SKAP2: variants seen among roughly 807,000 people sequenced by gnomAD.
SKAP2 encodes the protein src kinase-associated phosphoprotein 2.
SKAP2 carries 28 observed loss-of-function variants against 54.9 expected under a neutral mutation model. The ratio of observed to expected loss-of-function variants is 0.51; its 90% CI spans 0.38 to 0.70. The LOEUF (loss-of-function observed/expected upper bound fraction) is 0.70. SKAP2 is among the 30% of genes least tolerant of loss of function. The pLI is 0.00. For synonymous variants in SKAP2, 137 were observed against 134.3 expected (o/e 1.02, Z -0.14); for missense variants, 356 against 424.1 (o/e 0.84, Z 1.41).
chr7:26,831,228 G>T (rs1039422153), intron 4 of SKAP2, among the ~76,000 whole-genome samples: 3 of 152,060 alleles, frequency 2.0e-5, no homozygotes, highest in Non-Finnish European at 4.4e-5. Flanking sequence ...ATTTTTCCAG[G>T]TATAAAATTT....
intron 3 of SKAP2, among the ~76,000 whole-genome samples, chr7:26,850,262 G>C (rs1043050714): frequency 1.3e-5 from 2 of 152,118 alleles, no homozygotes; most frequent in African/African-American, 2.4e-5. Flanking sequence ...AATATTGCAA[G>C]TAAAAATCTA....
chr7:26,749,546 C>T (rs944750417), intron 4 of SKAP2, among the ~76,000 whole-genome samples: 5 of 151,716 alleles, frequency 3.3e-5, no homozygotes, highest in South Asian at 4.2e-4. Flanking sequence ...GCCAGGTGTT[C>T]GAGACAGCCT....
chr7:26,764,407 A>G (rs1229065705), intron 4 of SKAP2, among the ~76,000 whole-genome samples: 1 of 152,144 alleles, frequency 6.6e-6, no homozygotes, highest in Non-Finnish European at 1.5e-5. Context: ...TAGACGATTC[A>G]ATCTTTCTAG....
At chr7:26,684,642 T>A in intron 11 of SKAP2, 94 bp downstream of exon 11, 1 of 690,926 alleles carries the variant, frequency 1.4e-6, no homozygotes. Context: ...AGAATTCCAA[T>A]TGGCATTCTT....
intron 4 of SKAP2, among the ~76,000 whole-genome samples, chr7:26,781,639 C>T (rs557708942): frequency 6.6e-5 from 10 of 152,252 alleles, no homozygotes; most frequent in Non-Finnish European, 1.3e-4. Context: ...AGTGAATCAG[C>T]GCTAACTCCT....
Position 26,668,595 on chromosome 7 carries a change from T to C in SKAP2, c.*1071A>G, listed in dbSNP as rs575757675. Reference sequence around the variant, plus strand: ...GTTCTGCAGTGGGATGTAAATAGTATAGCAATAAGGCAAGATAAGAGAGTG... The same window carrying C: ...GTTCTGCAGTGGGATGTAAATAGTACAGCAATAAGGCAAGATAAGAGAGTG... On this transcript the variant is annotated 3_prime_UTR_variant, in exon 13 of 13. Coordinates refer to ENST00000345317, the MANE Select transcript of SKAP2 (RefSeq NM_003930.5). 2 of 151,948 alleles carry C rather than the reference T, an allele frequency of 1.3e-5. No individual in the cohort carries two copies. The highest frequency in any genetic ancestry group is 6.6e-5 in the Admixed American group (1 of 15,240). 9.4% of individuals were successfully genotyped at this position (151,948 alleles called of 1,614,324 possible).
chr7:26,781,136 C>T (rs542136886), intron 4 of SKAP2, among the ~76,000 whole-genome samples: 1 of 152,244 alleles, frequency 6.6e-6, no homozygotes, highest in African/African-American at 2.4e-5. Context: ...AACAGACATA[C>T]TTGTTATAAA....
intron 6 of SKAP2, among the ~76,000 whole-genome samples, chr7:26,730,718 TA>T (rs1409119263): frequency 6.6e-6 from 1 of 152,238 alleles, no homozygotes; most frequent in African/African-American, 2.4e-5. Context: ...ATTATATCAG[TA>T]ACTTAATTTT....
chr7:26,782,769 T>C (rs1783455020), intron 4 of SKAP2, among the ~76,000 whole-genome samples: 1 of 152,140 alleles, frequency 6.6e-6, no homozygotes. Context: ...ATTAAAGCCC[T>C]CATAAAAGAG....
chr7:26,795,169 T>C (rs1437053298), intron 4 of SKAP2, among the ~76,000 whole-genome samples: 1 of 152,234 alleles, frequency 6.6e-6, no homozygotes, highest in Non-Finnish European at 1.5e-5. Context: ...TTTGCTTCAG[T>C]TTATGCCATC....
chr7:26,780,534 T>C (rs1783404831), intron 4 of SKAP2, among the ~76,000 whole-genome samples: 1 of 152,112 alleles, frequency 6.6e-6, no homozygotes. Context: ...CATGATTGTG[T>C]CCCAATAAAA....
chr7:26,700,033 CAT>C (rs1157922854), intron 9 of SKAP2, among the ~76,000 whole-genome samples: 2 of 152,084 alleles, frequency 1.3e-5, no homozygotes, highest in African/African-American at 4.8e-5. Context: ...AATATTCTAT[CAT>C]ATTTCATCTT....
chr7:26,771,701 C>G (rs1783193857), intron 4 of SKAP2, among the ~76,000 whole-genome samples: 2 of 152,100 alleles, frequency 1.3e-5, no homozygotes, highest in Non-Finnish European at 2.9e-5. Flanking sequence ...ATGAACCTGA[C>G]AAAAGTACCA....
At chr7:26,819,910 G>A (rs1784356167) in intron 4 of SKAP2, among the ~76,000 whole-genome samples, 3 of 152,130 alleles carry the variant, frequency 2.0e-5, no homozygotes. Flanking sequence ...TCTACGAGGT[G>A]ATAACTGTTC....
At chr7:26,721,837 T>G (rs1187015690) in intron 9 of SKAP2, among the ~76,000 whole-genome samples, 1 of 152,216 alleles carries the variant, frequency 6.6e-6, no homozygotes, top group Non-Finnish European at 1.5e-5. Flanking sequence ...CAAACAGGGT[T>G]GGTTTCTGCA....
chr7:26,812,051 C>T (rs932165506), intron 4 of SKAP2, among the ~76,000 whole-genome samples: 3 of 152,118 alleles, frequency 2.0e-5, no homozygotes, highest in African/African-American at 7.2e-5. Flanking sequence ...TCTATTTCCT[C>T]CTAGGGCCCT....
At chr7:26,725,887 A>C (rs368289398) in intron 8 of SKAP2, 36 bp downstream of exon 8, 119 of 1,529,894 alleles carry the variant, frequency 7.8e-5, no homozygotes, top group Non-Finnish European at 1.0e-4. Flanking sequence ...TTAGTATTTA[A>C]AGACTGTGAT....
At chr7:26,809,195 C>G (rs1784087242) in intron 4 of SKAP2, among the ~76,000 whole-genome samples, 1 of 152,078 alleles carries the variant, frequency 6.6e-6, no homozygotes, top group African/African-American at 2.4e-5. Flanking sequence ...GGGCAGATCA[C>G]CTGAGGTCAG....
intron 4 of SKAP2, among the ~76,000 whole-genome samples, chr7:26,822,988 A>C (rs1411183771): frequency 5.3e-5 from 8 of 152,222 alleles, no homozygotes; most frequent in African/African-American, 1.9e-4. Flanking sequence ...GAAATGATTA[A>C]GCTTAGGGAG....
Sources: allele counts gnomAD v4.1 joint callset (sites outside exome capture counted in the v4.1 genomes callset), GRCh38; gene constraint gnomAD v4.1.1; transcripts MANE v1.5; gene names NCBI Gene and HGNC (gene_info 2026-07-23, HGNC 2026-07-21).